Variants in ABR observed in about 807,000 individuals in gnomAD.
ABR encodes the protein ABR activator of RhoGEF and GTPase, also known as active breakpoint cluster region-related protein.
Under a neutral mutation model 107.2 loss-of-function variants are expected in ABR, and 35 were observed. The observed-to-expected ratio is 0.33, with a 90% CI of 0.25 to 0.43. The LOEUF (loss-of-function observed/expected upper bound fraction) is 0.43. ABR is among the 20% of genes least tolerant of loss of function. The pLI, the probability that ABR is intolerant of heterozygous loss-of-function variation, is 1.00. For synonymous variants in ABR, 498 were observed against 462.0 expected (o/e 1.08, Z -1.00); for missense variants, 815 against 1,115.2 (o/e 0.73, Z 3.83).
At chr17:1,080,025 G>A (rs937006889) in intron 5 of ABR, among the ~76,000 whole-genome samples, 3 of 151,994 alleles carry the variant, frequency 2.0e-5, no homozygotes, top group Non-Finnish European at 2.9e-5. Context: ...AACCCTACAC[G>A]TCGGCCAAGG....
At chr17:1,216,423 C>T (rs1006168226) in intron 1 of ABR, among the ~76,000 whole-genome samples, 3 of 152,200 alleles carry the variant, frequency 2.0e-5, no homozygotes, top group Admixed American at 6.5e-5. Flanking sequence ...GCACTAGACT[C>T]ACTCCTCTCA....
Position 1,070,759 on chromosome 17 carries a change from C to T in ABR, c.895-669G>A, listed in dbSNP as rs1390993250. 6.6e-6 allele frequency among the ~76,000 whole-genome samples: 1 copy of T among 152,200 alleles called. No individual in the cohort carries two copies. The highest frequency in any genetic ancestry group is 1.9e-4 in the East Asian group (1 of 5,190). Reference sequence around the variant, plus strand: ...GTGGGAGTTCCAGAGTTTCCAACCCCCGCTCAGAGCCGGGGGGTCGTCCCC... The same window carrying T: ...GTGGGAGTTCCAGAGTTTCCAACCCTCGCTCAGAGCCGGGGGGTCGTCCCC... On this transcript the variant is annotated intron_variant, in intron 8 of 22. Coordinates refer to ENST00000302538, the MANE Select transcript of ABR (RefSeq NM_021962.5). This position sits in a 1 kb window ranked among gnomAD's most constrained non-coding sequence, Gnocchi z 4.2.
intron 6 of ABR, among the ~76,000 whole-genome samples, chr17:1,076,989 G>A (rs756430101): frequency 8.5e-5 from 13 of 152,206 alleles, no homozygotes; most frequent in African/African-American, 1.7e-4. Context: ...CTGGGTACTC[G>A]CTCTGTGCCC....
intron 18 of ABR, 60 bp from the exon 19 acceptor site, chr17:1,012,045 C>A (rs759345164): frequency 6.2e-7 from 1 of 1,604,648 alleles, no homozygotes; most frequent in East Asian, 2.2e-5. Flanking sequence ...CCCGTAGCAA[C>A]CCCCACCCAG....
chr17:1,143,551 G>A (rs1188039453), intron 1 of ABR, among the ~76,000 whole-genome samples: 1 of 149,092 alleles, frequency 6.7e-6, no homozygotes, highest in East Asian at 2.0e-4. Flanking sequence ...ATTCCTGGGG[G>A]ACAGCTGCTG....
At chr17:1,207,618 C>T (rs1473341268) in intron 1 of ABR, among the ~76,000 whole-genome samples, 2 of 137,954 alleles carry the variant, frequency 1.4e-5, no homozygotes, top group African/African-American at 5.4e-5. Context: ...CAGTACACTC[C>T]AGCCTGGGCA....
At chr17:1,192,131 T>G (rs865914883), upstream of ABR, among the ~76,000 whole-genome samples, 3 of 151,872 alleles carry the variant, frequency 2.0e-5, no homozygotes, top group Non-Finnish European at 4.4e-5. Flanking sequence ...TTTTCAGGGC[T>G]AGAAAAGTTA....
intron 1 of ABR, among the ~76,000 whole-genome samples, chr17:1,147,129 A>G (rs540961717): frequency 4.6e-5 from 7 of 152,394 alleles, no homozygotes; most frequent in African/African-American, 1.7e-4. Context: ...GGACATGACA[A>G]GTATCATTTC....
chr17:1,206,114 C>CA lies in ABR; in HGVS notation c.838+22678dup, dbSNP rs932581678. The stretch of plus-strand genomic sequence containing the variant: ...CTGGTGACAGAAGGAGACTCCGTCT[C>CA]AAAAAAAAGAGAAACAAAATTAGCT... On this transcript the variant is annotated intron_variant, in intron 1 of 22. Coordinates refer to the ABR transcript ENST00000574139. Among the ~76,000 whole-genome samples the CA allele has an allele frequency of 5.3e-5, 8 of 151,660 alleles. No homozygotes were observed. The South Asian group carries it at 1.0e-3, about 20-fold the overall frequency.
chr17:1,105,311 A>C (rs947961540), intron 2 of ABR, among the ~76,000 whole-genome samples: 1 of 152,102 alleles, frequency 6.6e-6, no homozygotes, highest in African/African-American at 2.4e-5. Flanking sequence ...CCAAGAACTG[A>C]CTTGTAAAAA....
At chr17:1,067,047 C>T (rs1177821043) in intron 10 of ABR, 30 bp downstream of exon 10, 3 of 1,608,364 alleles carry the variant, frequency 1.9e-6, no homozygotes, top group African/African-American at 2.7e-5. Flanking sequence ...GCTCAAAGGG[C>T]CCCAGGCTCA....
rs1177252815 is a variant in ABR, at chr17:1,194,658, A to AT, written c.838+34134dup. 1.3e-3 allele frequency among the ~76,000 whole-genome samples: 142 copies of AT among 112,614 alleles called. 19 individuals carry two copies. The highest frequency in any genetic ancestry group is 8.8e-3 in the Middle Eastern group (2 of 226). The allele number at this position is 112,614 out of a possible 152,430, so 73.9% of individuals were successfully genotyped here. A position where few individuals can be genotyped will look rare whatever the true frequency, so the allele number is the denominator to read the frequency against. On this transcript the variant is annotated intron_variant, in intron 1 of 22. Coordinates refer to the ABR transcript ENST00000574139. ...AGGCATGCACCACCACACCCAGCTAATTTTTTTTTTTTTAAGATGGAGTCT... is the reference window on the plus strand; with the variant it reads ...AGGCATGCACCACCACACCCAGCTAATTTTTTTTTTTTTTAAGATGGAGTCT...
intron 4 of ABR, among the ~76,000 whole-genome samples, chr17:1,088,084 G>A (rs192879996): frequency 5.9e-5 from 9 of 152,258 alleles, no homozygotes; most frequent in Non-Finnish European, 8.8e-5. Flanking sequence ...GACCTGACCC[G>A]GCTCCCCCCG....
chr17:1,022,390 C>A (rs571028533), intron 16 of ABR: 1 of 152,682 alleles, frequency 6.5e-6, no homozygotes, highest in African/African-American at 2.4e-5. Flanking sequence ...GACACCGAAG[C>A]CGGCCTGTCA....
chr17:1,097,472 T>C (rs1191029557), intron 3 of ABR, among the ~76,000 whole-genome samples: 1 of 151,710 alleles, frequency 6.6e-6, no homozygotes, highest in African/African-American at 2.4e-5. Context: ...GTGCCTGTAA[T>C]CTCAGCTACT....
intron 1 of ABR, among the ~76,000 whole-genome samples, chr17:1,215,310 T>C (rs12936881): frequency 0.96 from 145,468 of 151,502 alleles, 70,105 homozygotes; most frequent in East Asian, 1. Flanking sequence ...ACTGTACTGC[T>C]GCCATCTCGG....
chr17:1,103,245 C>CCGAGAGT (rs1167672066), intron 2 of ABR, among the ~76,000 whole-genome samples: 1 of 152,114 alleles, frequency 6.6e-6, no homozygotes, highest in Admixed American at 6.6e-5. Flanking sequence ...TCCTGAGGCA[C>CCGAGAGT]CGAGAGTCGG....
At chr17:1,175,520 C>A (rs909013939) in intron 1 of ABR, among the ~76,000 whole-genome samples, 1 of 152,126 alleles carries the variant, frequency 6.6e-6, no homozygotes, top group Non-Finnish European at 1.5e-5. Flanking sequence ...AAATGAGTGG[C>A]GCAGACACAA....
intron 1 of ABR, among the ~76,000 whole-genome samples, chr17:1,208,211 A>G (rs1189753133): frequency 1.3e-5 from 2 of 152,136 alleles, no homozygotes; most frequent in Admixed American, 6.6e-5. Context: ...CTGGGTGGAA[A>G]GGAAATGGTG....
Sources: allele counts gnomAD v4.1 joint callset (sites outside exome capture counted in the v4.1 genomes callset), GRCh38; gene constraint gnomAD v4.1.1; non-coding constraint Gnocchi (gnomAD v3.1); transcripts MANE v1.5; gene names NCBI Gene and HGNC (gene_info 2026-07-23, HGNC 2026-07-21).